The following CDKAL1 variants were observed in gnomAD, a reference collection of about 807,000 sequenced individuals.
The protein encoded by CDKAL1 is threonylcarbamoyladenosine tRNA methylthiotransferase.
In CDKAL1, 32 loss-of-function variants were observed where a neutral mutation model predicts 68.2. That is an observed-to-expected ratio of 0.47 (90% CI 0.35 to 0.63). The LOEUF is 0.63. Among genes scored for constraint, CDKAL1 ranks in the 30% least tolerant of loss-of-function variants. CDKAL1 has a pLI of 0.00. For synonymous variants in CDKAL1, 234 were observed against 244.3 expected, an observed-to-expected ratio of 0.96 and a Z score of 0.39; for missense variants, 606 against 696.7, an observed-to-expected ratio of 0.87 and a Z score of 1.47.
chr6:20,854,560 AG>A (rs1379734617), intron 9 of CDKAL1, among the ~76,000 whole-genome samples: 3 of 152,184 alleles, frequency 2.0e-5, no homozygotes, highest in Admixed American at 2.0e-4. Flanking sequence ...ACAGAAAGAG[AG>A]GTTTGCTGAT....
chr6:20,614,550 T>C (rs866700796), intron 4 of CDKAL1, among the ~76,000 whole-genome samples: 1 of 152,196 alleles, frequency 6.6e-6, no homozygotes, highest in Admixed American at 6.5e-5. Context: ...TTAAGAGTTA[T>C]GTTTGTTCAG....
chr6:21,159,720 A>G (rs1290313342), intron 13 of CDKAL1, among the ~76,000 whole-genome samples: 1 of 152,204 alleles, frequency 6.6e-6, no homozygotes, highest in Non-Finnish European at 1.5e-5. Context: ...ATCCACTCTG[A>G]ACAGCGACAC....
chr6:20,654,968 C>T (rs1768957041), intron 5 of CDKAL1, among the ~76,000 whole-genome samples: 2 of 152,112 alleles, frequency 1.3e-5, no homozygotes, highest in Admixed American at 1.3e-4. Context: ...TTTGTGATTA[C>T]ATTTAATTTT....
chr6:20,597,418 A>G (rs1481364367), intron 4 of CDKAL1, among the ~76,000 whole-genome samples: 2 of 148,116 alleles, frequency 1.4e-5, no homozygotes, highest in African/African-American at 2.5e-5. Flanking sequence ...ATGAGCCACC[A>G]TTTTTTATTT....
intron 4 of CDKAL1, among the ~76,000 whole-genome samples, chr6:20,556,605 A>G (rs550993056): frequency 2.6e-5 from 4 of 152,304 alleles, no homozygotes; most frequent in South Asian, 2.1e-4. Flanking sequence ...CTCCTTTACT[A>G]TCACCATGAT....
At chr6:21,036,594 T>C (rs1769612196) in intron 11 of CDKAL1, among the ~76,000 whole-genome samples, 1 of 152,218 alleles carries the variant, frequency 6.6e-6, no homozygotes, top group African/African-American at 2.4e-5. Context: ...TCACAAGCTT[T>C]TGTAAATTAA....
At chr6:20,955,795 C>G (rs764787783) in intron 10 of CDKAL1, among the ~76,000 whole-genome samples, 5 of 152,084 alleles carry the variant, frequency 3.3e-5, no homozygotes, top group African/African-American at 7.2e-5. Flanking sequence ...TTAACATTGC[C>G]CAAATTTTTC....
chr6:20,694,042 TTGTGTGTGTGTGTGTGTGTATG>T (rs1385586797), intron 5 of CDKAL1, among the ~76,000 whole-genome samples: 13 of 114,406 alleles, frequency 1.1e-4, no homozygotes, highest in East Asian at 8.1e-4. Flanking sequence ...CCGGCTAACT[TTGTGTGTGTGTGTGTGTGTATG>T]TGTGTGTGTG....
At chr6:20,644,901 C>T (rs973474191) in intron 4 of CDKAL1, among the ~76,000 whole-genome samples, 3 of 152,084 alleles carry the variant, frequency 2.0e-5, no homozygotes, top group South Asian at 2.1e-4. Flanking sequence ...TGTTATCATG[C>T]GAACATCATC....
At chr6:20,678,186 C>T (rs1770209300) in intron 5 of CDKAL1, among the ~76,000 whole-genome samples, 1 of 150,820 alleles carries the variant, frequency 6.6e-6, no homozygotes, top group South Asian at 2.1e-4. Flanking sequence ...TGCATTTCTT[C>T]TTGCAGCCTC....
intron 15 of CDKAL1, among the ~76,000 whole-genome samples, chr6:21,228,193 T>C (rs1779825593): frequency 6.6e-6 from 1 of 152,154 alleles, no homozygotes; most frequent in African/African-American, 2.4e-5. Context: ...ACCCTGTACC[T>C]AATTTTGTAT....
intron 4 of CDKAL1, among the ~76,000 whole-genome samples, chr6:20,626,328 C>G (rs1482669356): frequency 6.6e-6 from 1 of 152,088 alleles, no homozygotes; most frequent in African/African-American, 2.4e-5. Flanking sequence ...GAGACCTTCA[C>G]TAAAACCTTG....
chr6:20,614,613 C>T (rs2127725974), intron 4 of CDKAL1, among the ~76,000 whole-genome samples: 1 of 152,186 alleles, frequency 6.6e-6, no homozygotes, highest in East Asian at 1.9e-4. Flanking sequence ...CAGCAAGACC[C>T]CCCTACTTAT....
At chr6:20,598,720 T>C (rs1294641839) in intron 4 of CDKAL1, among the ~76,000 whole-genome samples, 1 of 152,158 alleles carries the variant, frequency 6.6e-6, no homozygotes, top group African/African-American at 2.4e-5. Flanking sequence ...GTAATTAAAA[T>C]AGATTTACTA....
At chr6:20,635,717 G>C (rs1015835732) in intron 4 of CDKAL1, among the ~76,000 whole-genome samples, 4 of 152,164 alleles carry the variant, frequency 2.6e-5, no homozygotes, top group African/African-American at 9.7e-5. Context: ...CTTCCTGCTG[G>C]GAAAAGGGAG....
chr6:20,769,170 A>G (rs995558813), intron 7 of CDKAL1, among the ~76,000 whole-genome samples: 1 of 151,984 alleles, frequency 6.6e-6, no homozygotes, highest in Non-Finnish European at 1.5e-5. Context: ...AAAGTACATC[A>G]CAATGCAAAT....
chr6:20,982,897 A>AAATTTGG (rs1318253191), intron 10 of CDKAL1, among the ~76,000 whole-genome samples: 1 of 152,224 alleles, frequency 6.6e-6, no homozygotes, highest in Non-Finnish European at 1.5e-5. Context: ...TCTTAAAAGT[A>AAATTTGG]AATTTGGCTT....
intron 5 of CDKAL1, among the ~76,000 whole-genome samples, chr6:20,682,951 CTTTT>C (rs11364854): frequency 6.3e-5 from 8 of 126,530 alleles, no homozygotes; most frequent in Admixed American, 1.6e-4. Context: ...CTTTTTCTTT[CTTTT>C]TTTTTTTTTT....
chr6:21,082,881 T>TG (rs1158014117), intron 12 of CDKAL1, among the ~76,000 whole-genome samples: 1 of 150,438 alleles, frequency 6.6e-6, no homozygotes, highest in East Asian at 1.9e-4. Flanking sequence ...TTTGTTTTTT[T>TG]TTTTTTTTTT....
Sources: gnomAD v4.1 joint callset for allele counts (sites outside exome capture counted in the v4.1 genomes callset) on GRCh38, gnomAD v4.1.1 for gene constraint, MANE v1.5 for transcripts, NCBI Gene and HGNC (gene_info 2026-07-23, HGNC 2026-07-21) for gene names.